ZNF597: variants seen among roughly 807,000 people sequenced by gnomAD.
ZNF597 encodes the protein zinc finger protein 597.
ZNF597 carries 5 observed loss-of-function variants against 7.3 expected under a neutral mutation model. The observed-to-expected ratio is 0.68, with a 90% CI of 0.36 to 1.44. The LOEUF (loss-of-function observed/expected upper bound fraction) is 1.44, where lower values mean the gene tolerates loss of function less well. ZNF597 is among the 40% of genes most tolerant of loss of function. The pLI is 0.04. For synonymous variants in ZNF597, 209 were observed against 185.4 expected, an observed-to-expected ratio of 1.13 and a Z score of -1.04; for missense variants, 585 against 517.9, an observed-to-expected ratio of 1.13 and a Z score of -1.26.
At chr16:3,438,698 T>C (rs2034331810) in intron 3 of ZNF597, among the ~76,000 whole-genome samples, 1 of 152,154 alleles carries the variant, frequency 6.6e-6, no homozygotes, top group Non-Finnish European at 1.5e-5. Context: ...CTCCAAAATC[T>C]CTTTACTCCT....
In ZNF597 at chr16:3,437,048, G is replaced by A. The variant is rs1332672237; in HGVS notation, c.651C>T (p.Cys217=). The A allele has an allele frequency of 1.2e-6, 2 of 1,614,172 alleles. No homozygotes were observed. Among genetic ancestry groups the A allele is most frequent in the East Asian group, 4.5e-5 (2 of 44,886 alleles). Reference sequence around the variant, plus strand: ...GAGAGTGCTGGCGAAAGCTGGCACTGCACTTGGCACACTTATAAGGTTTCT... The same window carrying A: ...GAGAGTGCTGGCGAAAGCTGGCACTACACTTGGCACACTTATAAGGTTTCT... The part of the protein sequence containing the change: ...TGEKPYKCAK[C]SASFRQHSHL... The change falls in exon 4 of 4, where the codon TGC becomes TGT. Residue 217 remains cysteine (C), a synonymous_variant. Coordinates refer to ENST00000301744, the MANE Select transcript of ZNF597 (RefSeq NM_152457.3).
chr16:3,441,247 A>C (rs2034365782), intron 2 of ZNF597, among the ~76,000 whole-genome samples: 1 of 152,194 alleles, frequency 6.6e-6, no homozygotes, highest in African/African-American at 2.4e-5. Flanking sequence ...AGGATGCTCT[A>C]AGAAAAGGAG....
rs1447261099 is a variant in ZNF597, at chr16:3,433,106, T to C, written c.*3318A>G. 2.6e-5 allele frequency: 4 copies of C among 152,212 alleles called. No homozygotes were observed. Among genetic ancestry groups the C allele is most frequent in the Admixed American group, 2.6e-4 (4 of 15,284 alleles). The allele number at this position is 152,212 out of a possible 1,614,324, so 9.4% of individuals were successfully genotyped here. A position where few individuals can be genotyped will look rare whatever the true frequency, so the allele number is the denominator to read the frequency against. On this transcript the variant is annotated 3_prime_UTR_variant, in exon 4 of 4. Transcript: ENST00000301744. ...AATGGCATTTGCTGTGAAATGTCAT[T>C]TGAGTTTTAACTCCCTGAATTATTG...
At chr16:3,439,410 C>G (rs2150933621) in intron 3 of ZNF597, among the ~76,000 whole-genome samples, 1 of 152,080 alleles carries the variant, frequency 6.6e-6, no homozygotes, top group South Asian at 2.1e-4. Context: ...ACAACTTTGG[C>G]TGAGTAGTAA....
rs1022623808 is a variant in ZNF597, at chr16:3,443,376, A to C, written c.-70T>G. ...CCCACTTACCGCTCCGCGGTTAATAACAGGCCTCGCGCTCCCTGACAGGAG... is the reference window on the plus strand; with the variant it reads ...CCCACTTACCGCTCCGCGGTTAATACCAGGCCTCGCGCTCCCTGACAGGAG... On this transcript the variant is annotated 5_prime_UTR_variant, in exon 1 of 4. Transcript: ENST00000301744. 17 of 559,144 alleles carry C rather than the reference A, an allele frequency of 3.0e-5. No homozygotes were observed. In the African/African-American group the frequency reaches 3.1e-4, roughly 10 times the overall value. The allele number at this position is 559,144 out of a possible 1,614,324, so 34.6% of individuals were successfully genotyped here. A position where few individuals can be genotyped will look rare whatever the true frequency, so the allele number is the denominator to read the frequency against.
intron 3 of ZNF597, among the ~76,000 whole-genome samples, chr16:3,439,754 C>T (rs887244119): frequency 2.0e-5 from 3 of 152,036 alleles, no homozygotes; most frequent in Non-Finnish European, 4.4e-5. Context: ...AATTCTTAAT[C>T]TAACATCCGA....
Position 3,435,870 on chromosome 16 carries a change from A to G in ZNF597, c.*554T>C, listed in dbSNP as rs937406709. 2.0e-5 allele frequency: 3 copies of G among 152,934 alleles called. No individual in the cohort carries two copies. The highest frequency in any genetic ancestry group is 7.2e-5 in the African/African-American group (3 of 41,466). The allele number at this position is 152,934 out of a possible 1,614,324, so 9.5% of individuals were successfully genotyped here. A position where few individuals can be genotyped will look rare whatever the true frequency, so the allele number is the denominator to read the frequency against. On this transcript the variant is annotated 3_prime_UTR_variant, in exon 4 of 4. Coordinates refer to ENST00000301744, the MANE Select transcript of ZNF597 (RefSeq NM_152457.3). Reference sequence around the variant, plus strand: ...ACTCCGGATACTAATGGCCATCAAAATATAAACTAGTCTACCCATTTGGGA... The same window carrying G: ...ACTCCGGATACTAATGGCCATCAAAGTATAAACTAGTCTACCCATTTGGGA...
At position 3,432,447 on chromosome 16, in the gene ZNF597, C is replaced by T. The variant is rs2034265238; in HGVS notation, c.*3977G>A. 1 of 152,028 alleles carries T rather than the reference C, an allele frequency of 6.6e-6. No individual in the cohort carries two copies. The highest frequency in any genetic ancestry group is 2.1e-4 in the South Asian group (1 of 4,814). The allele number at this position is 152,028 out of a possible 1,614,324, so 9.4% of individuals were successfully genotyped here. ...ATCATAAAATAGCATTTAATAGAAG[C>T]CAAATTGCACATTAGACGTAATCAA... On this transcript the variant is annotated 3_prime_UTR_variant, in exon 4 of 4. Transcript: ENST00000301744.
chr16:3,443,240 A>T (rs3816916), intron 1 of ZNF597, 34 bp from the exon 2 acceptor site: 2 of 1,388,628 alleles, frequency 1.4e-6, no homozygotes, highest in African/African-American at 1.5e-5. Context: ...TAAAGGGACC[A>T]ATTCCGCTGC....
chr16:3,443,430 C>A lies in ZNF597; in HGVS notation c.-124G>T. The A allele has an allele frequency of 5.8e-6, 3 of 520,354 alleles. No homozygotes were observed. Among genetic ancestry groups the A allele is most frequent in the Non-Finnish European group, 1.0e-5 (3 of 297,738 alleles). 32.2% of individuals were successfully genotyped at this position (520,354 alleles called of 1,614,324 possible). On this transcript the variant is annotated 5_prime_UTR_variant, in exon 1 of 4. Transcript: ENST00000301744. The stretch of plus-strand genomic sequence containing the variant: ...CAGAAAGCGACGCCCGACCGAGACG[C>A]GACGAAGAACGCCACGGCCACTGCA...
At chr16:3,443,062 G>C in intron 2 of ZNF597, 59 bp downstream of exon 2, 2 of 1,606,158 alleles carry the variant, frequency 1.2e-6, no homozygotes, top group Non-Finnish European at 8.5e-7. Context: ...CCAAAGGAGG[G>C]GGTCAGGCAG....
chr16:3,441,329 G>A (rs933137441), intron 2 of ZNF597, among the ~76,000 whole-genome samples: 110 of 151,980 alleles, frequency 7.2e-4, no homozygotes, highest in African/African-American at 2.6e-3. Flanking sequence ...GGATGCAGAT[G>A]ACTTGAGGTC....
At chr16:3,443,249 G>T (rs1251196946) in intron 1 of ZNF597, 43 bp from the exon 2 acceptor site, 4 of 1,302,368 alleles carry the variant, frequency 3.1e-6, no homozygotes, top group East Asian at 2.5e-5. Context: ...CAATTCCGCT[G>T]CCAAGTTCCT....
At chr16:3,439,955 G>C (rs1041593606) in intron 3 of ZNF597, among the ~76,000 whole-genome samples, 2 of 152,144 alleles carry the variant, frequency 1.3e-5, no homozygotes, top group African/African-American at 2.4e-5. Context: ...ATGATGAAGA[G>C]AGAAGTGGAA....
rs2034297351 is a variant in ZNF597 at position 3,436,079 on chromosome 16, A to G, written c.*345T>C. 1.4e-5 allele frequency: 3 copies of G among 220,418 alleles called. No homozygotes were observed. In the Admixed American group the frequency reaches 1.6e-4, roughly 11 times the overall value. 13.7% of individuals were successfully genotyped at this position (220,418 alleles called of 1,614,324 possible). ...ATATAAATAAATTCTCCTCCTTCTAAAAGTCAGAAACTACGTAAACAAAAT... is the reference window on the plus strand; with the variant it reads ...ATATAAATAAATTCTCCTCCTTCTAGAAGTCAGAAACTACGTAAACAAAAT... On this transcript the variant is annotated 3_prime_UTR_variant, in exon 4 of 4. Coordinates refer to ENST00000301744, the MANE Select transcript of ZNF597 (RefSeq NM_152457.3).
At position 3,433,326 on chromosome 16, in the gene ZNF597, TAA is replaced by T. The variant is rs1439475756; in HGVS notation, c.*3096_*3097del. 1 of 152,314 alleles carries T rather than the reference TAA, an allele frequency of 6.6e-6. No homozygotes were observed. Among genetic ancestry groups the T allele is most frequent in the Admixed American group, 6.5e-5 (1 of 15,310 alleles). 9.4% of individuals were successfully genotyped at this position (152,314 alleles called of 1,614,324 possible). A position where few individuals can be genotyped will look rare whatever the true frequency, so the allele number is the denominator to read the frequency against. On this transcript the variant is annotated 3_prime_UTR_variant, in exon 4 of 4. Coordinates refer to ENST00000301744, the MANE Select transcript of ZNF597 (RefSeq NM_152457.3). The stretch of plus-strand genomic sequence containing the variant: ...GCTGTTTTCATCAATGACGACTGTT[TAA>T]AAGACTGTTTAACTATTCCAGCAAT...
At position 3,442,541 on chromosome 16, in the gene ZNF597, G is replaced by A. The variant is rs529757394; in HGVS notation, c.33+580C>T. On this transcript the variant is annotated intron_variant, in intron 2 of 3. Transcript: ENST00000301744. ...ATACAAAAAATTAGCAGGGCGTGGC[G>A]GCAGGCGCCTGTAGTCCCATCTACT... Among the ~76,000 whole-genome samples, 8 of 152,180 alleles carry A rather than the reference G, an allele frequency of 5.3e-5. No individual in the cohort carries two copies. In the East Asian group the frequency reaches 9.6e-4, roughly 18 times the overall value.
chr16:3,437,356 T>C lies in ZNF597; in HGVS notation c.343A>G (p.Arg115Gly). 1 of 1,614,146 alleles carries C rather than the reference T, an allele frequency of 6.2e-7. No homozygotes were observed. The highest frequency in any genetic ancestry group is 8.5e-7 in the Non-Finnish European group (1 of 1,180,028). ...ATGGTAACTAAAAGGCTGATGACCC[T>C]TCTCTTGTAAGTGGGAGTTCCACTT... The part of the protein sequence containing the change: ...ILSGTPTYKR[R>G]VISLLVTIEN... The change falls in exon 4 of 4, where the codon AGG becomes GGG. Residue 115 changes from arginine to glycine, a missense_variant. Transcript: ENST00000301744.
intron 2 of ZNF597, among the ~76,000 whole-genome samples, chr16:3,442,903 TC>T (rs1442547062): frequency 6.6e-6 from 1 of 152,120 alleles, no homozygotes; most frequent in African/African-American, 2.4e-5. Context: ...CAGAGATTCC[TC>T]CACAGGTCCC....
Sources: allele counts gnomAD v4.1 joint callset (sites outside exome capture counted in the v4.1 genomes callset), GRCh38; gene constraint gnomAD v4.1.1; transcripts MANE v1.5; gene names NCBI Gene and HGNC (gene_info 2026-07-23, HGNC 2026-07-21).